GBE1: variants seen among roughly 807,000 people sequenced by gnomAD.
The protein encoded by GBE1 is 1,4-alpha-glucan-branching enzyme.
GBE1 carries 70 observed loss-of-function variants against 88.8 expected under a neutral mutation model. The observed-to-expected ratio is 0.79, with a 90% confidence interval of 0.65 to 0.96. The LOEUF (loss-of-function observed/expected upper bound fraction) is 0.96, where lower values mean the gene tolerates loss of function less well. Among genes scored for constraint, GBE1 ranks in the 40% least tolerant of loss-of-function variants. GBE1 has a pLI of 0.00. For synonymous variants in GBE1, 284 were observed against 300.1 expected, an observed-to-expected ratio of 0.95 and a Z score of 0.56; for missense variants, 872 against 871.0, an observed-to-expected ratio of 1.00 and a Z score of -0.01.
intron 2 of GBE1, among the ~76,000 whole-genome samples, chr3:81,681,588 G>T (rs968591733): frequency 6.6e-6 from 1 of 152,060 alleles, no homozygotes; most frequent in African/African-American, 2.4e-5. Flanking sequence ...TAAAATAATG[G>T]TTTCTAATAT....
intron 7 of GBE1, among the ~76,000 whole-genome samples, chr3:81,598,421 A>T (rs1280292279): frequency 6.6e-6 from 1 of 151,948 alleles, no homozygotes; most frequent in Non-Finnish European, 1.5e-5. Context: ...GTCTTAAATT[A>T]TAATAAAAAT....
intron 2 of GBE1, among the ~76,000 whole-genome samples, chr3:81,681,798 G>A (rs1705348743): frequency 6.6e-6 from 1 of 152,226 alleles, no homozygotes; most frequent in Admixed American, 6.5e-5. Context: ...CTGCCTCGAA[G>A]CATATACAAA....
At chr3:81,645,966 C>A (rs1030007035) in intron 6 of GBE1, among the ~76,000 whole-genome samples, 1 of 152,110 alleles carries the variant, frequency 6.6e-6, no homozygotes, top group Admixed American at 6.5e-5. Context: ...TTATTCCATC[C>A]ATTTCAGTCT....
intron 1 of GBE1, among the ~76,000 whole-genome samples, chr3:81,736,601 T>C (rs985987269): frequency 2.0e-5 from 3 of 152,156 alleles, no homozygotes; most frequent in African/African-American, 4.8e-5. Flanking sequence ...GGGATCTGGC[T>C]CAGTTTTAAA....
chr3:81,662,591 A>G (rs1410832304), intron 3 of GBE1, among the ~76,000 whole-genome samples: 1 of 151,816 alleles, frequency 6.6e-6, no homozygotes, highest in Non-Finnish European at 1.5e-5. Context: ...TAACCCATCA[A>G]TATTTTTTAA....
intron 1 of GBE1, among the ~76,000 whole-genome samples, chr3:81,717,590 G>A (rs1705956964): frequency 6.6e-6 from 1 of 152,122 alleles, no homozygotes; most frequent in Admixed American, 6.6e-5. Flanking sequence ...TGGAGAGGGA[G>A]GTTAAAGAAT....
At position 81,752,836 on chromosome 3, in the gene GBE1, C is replaced by G. The variant is rs1472815811; in HGVS notation, c.143+8539G>C. Among the ~76,000 whole-genome samples the G allele has an allele frequency of 2.0e-5, 3 of 152,266 alleles. No individual in the cohort carries two copies. The Middle Eastern group carries it at 0.01, about 518-fold the overall frequency. The stretch of plus-strand genomic sequence containing the variant: ...GGGAATTTCTGGTCATGGTATTTAT[C>G]TGATGATTGATTTCAGAATACAGTG... On this transcript the variant is annotated intron_variant, in intron 1 of 15. Coordinates refer to ENST00000429644, the MANE Select transcript of GBE1 (RefSeq NM_000158.4).
At chr3:81,593,763 C>T in intron 8 of GBE1, 145 bp downstream of exon 8, 1 of 567,860 alleles carries the variant, frequency 1.8e-6, no homozygotes, top group East Asian at 3.2e-5. Flanking sequence ...ATAAAATGTA[C>T]TTATAATCTA....
At chr3:81,662,017 T>G (rs2107098793) in intron 3 of GBE1, among the ~76,000 whole-genome samples, 2 of 152,210 alleles carry the variant, frequency 1.3e-5, no homozygotes, top group South Asian at 4.1e-4. Flanking sequence ...TCCTACTAAT[T>G]TATTCATTTT....
At chr3:81,524,333 A>G (rs1033849085) in intron 14 of GBE1, among the ~76,000 whole-genome samples, 1 of 151,754 alleles carries the variant, frequency 6.6e-6, no homozygotes, top group African/African-American at 2.4e-5. Context: ...ATTTTTAAAT[A>G]AGATTATTAA....
intron 7 of GBE1, among the ~76,000 whole-genome samples, chr3:81,617,383 C>A (rs1436041566): frequency 6.6e-6 from 1 of 151,884 alleles, no homozygotes. Flanking sequence ...AACAGATCTT[C>A]TTTATTAAGA....
chr3:81,654,099 A>G (rs953235498), intron 3 of GBE1, among the ~76,000 whole-genome samples: 1 of 152,158 alleles, frequency 6.6e-6, no homozygotes, highest in Non-Finnish European at 1.5e-5. Flanking sequence ...ACCAAATAAT[A>G]CCATAATAAT....
At chr3:81,711,826 G>A (rs1009767176) in intron 1 of GBE1, among the ~76,000 whole-genome samples, 1 of 152,212 alleles carries the variant, frequency 6.6e-6, no homozygotes, top group Non-Finnish European at 1.5e-5. Context: ...AAACTAAAGA[G>A]CTTCTGCACA....
chr3:81,688,234 T>G (rs1705467329), intron 2 of GBE1, among the ~76,000 whole-genome samples: 1 of 152,254 alleles, frequency 6.6e-6, no homozygotes, highest in Admixed American at 6.5e-5. Flanking sequence ...AGCCTAAACC[T>G]ACATCTACCA....
chr3:81,741,670 C>T (rs1398420997), intron 1 of GBE1, among the ~76,000 whole-genome samples: 1 of 151,682 alleles, frequency 6.6e-6, no homozygotes, highest in East Asian at 1.9e-4. Context: ...GCCATGCATA[C>T]ATCACACAAG....
At chr3:81,635,245 T>G (rs1301702694) in intron 7 of GBE1, among the ~76,000 whole-genome samples, 1 of 152,044 alleles carries the variant, frequency 6.6e-6, no homozygotes, top group Non-Finnish European at 1.5e-5. Flanking sequence ...TTCTCTTACA[T>G]ATGGTGAAAG....
At chr3:81,490,489 C>A in intron 15 of GBE1, 26 bp from the exon 16 acceptor site, 1 of 1,590,490 alleles carries the variant, frequency 6.3e-7, no homozygotes, top group Non-Finnish European at 8.6e-7. Context: ...TATGTCAGTG[C>A]AATTGAAGAA....
rs1706221064 is a variant in GBE1, at chr3:81,733,914, C to T, written c.143+27461G>A. The stretch of plus-strand genomic sequence containing the variant: ...TAAATTGCTGGCATGGATTCTGTTT[C>T]TACACTTGAACAAAAGGTGAGAGTT... On this transcript the variant is annotated intron_variant, in intron 1 of 15. Transcript: ENST00000429644. The surrounding 1 kb of genome is among the most constrained non-coding windows in gnomAD (Gnocchi z 4.0). Among the ~76,000 whole-genome samples the T allele has an allele frequency of 6.6e-6, 1 of 152,126 alleles. No homozygotes were observed. The highest frequency in any genetic ancestry group is 1.5e-5 in the Non-Finnish European group (1 of 68,018).
chr3:81,629,133 G>T (rs575825129), intron 7 of GBE1, among the ~76,000 whole-genome samples: 8 of 141,098 alleles, frequency 5.7e-5, no homozygotes, highest in South Asian at 4.6e-4. Flanking sequence ...ACCCACTAAC[G>T]TGTCATCTAG....
Sources: gnomAD v4.1 joint callset for allele counts (sites outside exome capture counted in the v4.1 genomes callset) on GRCh38, gnomAD v4.1.1 for gene constraint, Gnocchi (gnomAD v3.1) non-coding constraint, MANE v1.5 for transcripts, NCBI Gene and HGNC (gene_info 2026-07-23, HGNC 2026-07-21) for gene names.